Variants in STRN3 observed in about 807,000 individuals in gnomAD.
STRN3 encodes striatin 3.
A neutral mutation model predicts 95.6 loss-of-function variants in STRN3; 29 were observed. The observed-to-expected ratio is 0.30, with a 90% CI of 0.23 to 0.41. STRN3 has a LOEUF of 0.41. STRN3 is among the 10% of genes least tolerant of loss of function. STRN3 has a pLI of 1.00. For missense variants in STRN3, 890 were observed against 972.1 expected, an observed-to-expected ratio of 0.92 and a Z score of 1.12; for synonymous variants, 331 against 357.6, an observed-to-expected ratio of 0.93 and a Z score of 0.84.
At chr14:31,005,742 A>G (rs1057093328) in intron 1 of STRN3, among the ~76,000 whole-genome samples, 1 of 152,232 alleles carries the variant, frequency 6.6e-6, no homozygotes, top group Non-Finnish European at 1.5e-5. Context: ...CTATTTTTAC[A>G]TAGCTAAAAT....
chr14:30,997,628 A>G (rs887120410), intron 1 of STRN3, among the ~76,000 whole-genome samples: 9 of 152,172 alleles, frequency 5.9e-5, no homozygotes, highest in Non-Finnish European at 8.8e-5. Context: ...CCTCCTGTCT[A>G]TAAAACCTGT....
rs1335813639 is a variant in STRN3, at chr14:31,026,066, G to T, written c.120C>A (p.Gly40=). 1.3e-6 allele frequency: 2 copies of T among 1,516,678 alleles called. No individual in the cohort carries two copies. Among genetic ancestry groups the T allele is most frequent in the Non-Finnish European group, 1.8e-6 (2 of 1,134,534 alleles). 94.0% of individuals were successfully genotyped at this position (1,516,678 alleles called of 1,614,324 possible). The part of the protein sequence containing the change: ...LSPGGNGAAG[G]GGPPASEGAG... Reference sequence around the variant, plus strand: ...CTCCCTCGGAGGCCGGAGGACCCCCGCCGCCCGCCGCTCCGTTCCCCCCGG... The same window carrying T: ...CTCCCTCGGAGGCCGGAGGACCCCCTCCGCCCGCCGCTCCGTTCCCCCCGG... Residue 40 remains glycine, a synonymous_variant, in exon 1 of 18, where the codon GGC becomes GGA. Transcript: ENST00000357479.
At chr14:30,972,767 C>T (rs920508745) in intron 1 of STRN3, among the ~76,000 whole-genome samples, 1 of 152,204 alleles carries the variant, frequency 6.6e-6, no homozygotes, top group African/African-American at 2.4e-5. Context: ...GATTGCGCCA[C>T]TGCACTCCAG....
At chr14:30,957,314 G>A (rs963487168) in intron 1 of STRN3, among the ~76,000 whole-genome samples, 12 of 151,738 alleles carry the variant, frequency 7.9e-5, no homozygotes, top group Non-Finnish European at 1.3e-4. Context: ...ATTGCCAGGC[G>A]TAGTGGTGGG....
chr14:30,964,077 C>T (rs1880350132), intron 1 of STRN3, among the ~76,000 whole-genome samples: 1 of 152,096 alleles, frequency 6.6e-6, no homozygotes, highest in Non-Finnish European at 1.5e-5. Context: ...CATGGCGAAA[C>T]CCCATCTCTC....
rs1278962376 is a variant in STRN3 at position 30,959,318 on chromosome 14, G to C, written c.283-3076C>G. 2.0e-5 allele frequency among the ~76,000 whole-genome samples: 3 copies of C among 152,024 alleles called. No homozygotes were observed. In the East Asian group the frequency reaches 5.8e-4, roughly 29 times the overall value. On this transcript the variant is annotated intron_variant, in intron 1 of 17. Transcript: ENST00000357479. ...AGCCTGAGCGACAGAGCAAGACCCT[G>C]AATGAAAAGAAAAAAACAAAACAAA...
At chr14:30,906,764 T>C in intron 14 of STRN3, 113 bp downstream of exon 14, 1 of 1,153,724 alleles carries the variant, frequency 8.7e-7, no homozygotes, top group East Asian at 2.6e-5. Context: ...TTTACAAAAT[T>C]CATTCAATAT....
chr14:30,991,970 A>C (rs565865859), intron 1 of STRN3, among the ~76,000 whole-genome samples: 1 of 152,032 alleles, frequency 6.6e-6, no homozygotes, highest in Non-Finnish European at 1.5e-5. Context: ...AACATCATTA[A>C]AAAGTTTTAT....
At chr14:30,942,332 G>A (rs956837324) in intron 5 of STRN3, among the ~76,000 whole-genome samples, 2 of 152,124 alleles carry the variant, frequency 1.3e-5, no homozygotes, top group Admixed American at 1.3e-4. Context: ...TAAAATGGAA[G>A]TCTCCATCTG....
At chr14:30,997,140 G>A (rs1882239175) in intron 1 of STRN3, among the ~76,000 whole-genome samples, 2 of 152,140 alleles carry the variant, frequency 1.3e-5, no homozygotes, top group African/African-American at 2.4e-5. Flanking sequence ...CAGCAGCAGG[G>A]CTCAAAAGAA....
intron 9 of STRN3, among the ~76,000 whole-genome samples, chr14:30,916,746 G>A (rs1896750147): frequency 6.6e-6 from 1 of 152,076 alleles, no homozygotes; most frequent in Non-Finnish European, 1.5e-5. Flanking sequence ...TTAATTTAAT[G>A]ATGGAAATTT....
intron 1 of STRN3, among the ~76,000 whole-genome samples, chr14:30,983,626 C>T (rs564968544): frequency 2.0e-5 from 3 of 152,148 alleles, no homozygotes; most frequent in Non-Finnish European, 4.4e-5. Flanking sequence ...AATGTGATTC[C>T]TCAGATTTTA....
chr14:31,001,024 T>C lies in STRN3; in HGVS notation c.282+24880A>G, dbSNP rs767974320. 4.6e-4 allele frequency among the ~76,000 whole-genome samples: 70 copies of C among 152,166 alleles called. 2 individuals are homozygous for C. Among genetic ancestry groups the C allele is most frequent in the Admixed American group, 3.3e-3 (51 of 15,280 alleles). Reference sequence around the variant, plus strand: ...GTTAAGTAGGAGTTGTAAAGACATATACTGAGTGAGGCAGAGGGGGTAGGG... The same window carrying C: ...GTTAAGTAGGAGTTGTAAAGACATACACTGAGTGAGGCAGAGGGGGTAGGG... On this transcript the variant is annotated intron_variant, in intron 1 of 17. Coordinates refer to ENST00000357479, the MANE Select transcript of STRN3 (RefSeq NM_001083893.2).
intron 1 of STRN3, among the ~76,000 whole-genome samples, chr14:30,987,866 T>C (rs961999921): frequency 6.6e-6 from 1 of 152,040 alleles, no homozygotes; most frequent in African/African-American, 2.4e-5. Context: ...GCCTCCCAAG[T>C]AGCTGGGATT....
At chr14:30,981,892 C>T (rs1881422414) in intron 1 of STRN3, among the ~76,000 whole-genome samples, 1 of 151,898 alleles carries the variant, frequency 6.6e-6, no homozygotes, top group Non-Finnish European at 1.5e-5. Flanking sequence ...GTCAGGAGTT[C>T]GAGACCAGCC....
chr14:30,928,180 G>A (rs963317470), intron 8 of STRN3, among the ~76,000 whole-genome samples: 1 of 152,078 alleles, frequency 6.6e-6, no homozygotes, highest in Admixed American at 6.6e-5. Flanking sequence ...AGAAAATTGT[G>A]TAACAGGTGA....
At position 30,919,125 on chromosome 14, in the gene STRN3, A is replaced by G. The variant is rs1406182734; in HGVS notation, c.1100-19T>C. On this transcript the variant is annotated intron_variant, in intron 8 of 17. Coordinates refer to ENST00000357479, the MANE Select transcript of STRN3 (RefSeq NM_001083893.2). ...TTGGCCCCTGTAAATTAATGTCAGCAGTAGAGGTTCATTTAATGGCTACCG... is the reference window on the plus strand; with the variant it reads ...TTGGCCCCTGTAAATTAATGTCAGCGGTAGAGGTTCATTTAATGGCTACCG... 6.3e-7 allele frequency: 1 copy of G among 1,583,512 alleles called. No individual in the cohort carries two copies. Among genetic ancestry groups the G allele is most frequent in the Non-Finnish European group, 8.6e-7 (1 of 1,163,044 alleles).
At chr14:30,927,882 G>A (rs948554990) in intron 8 of STRN3, among the ~76,000 whole-genome samples, 1 of 139,138 alleles carries the variant, frequency 7.2e-6, no homozygotes, top group Non-Finnish European at 1.5e-5. Context: ...GCAGTGAGCC[G>A]AGATTGCACC....
intron 1 of STRN3, among the ~76,000 whole-genome samples, chr14:31,006,448 C>G (rs1882721058): frequency 6.6e-6 from 1 of 151,850 alleles, no homozygotes. Flanking sequence ...GTAATCCCAG[C>G]ACTTTGGGAG....
Sources: allele counts gnomAD v4.1 joint callset (sites outside exome capture counted in the v4.1 genomes callset), GRCh38; gene constraint gnomAD v4.1.1; transcripts MANE v1.5; gene names NCBI Gene and HGNC (gene_info 2026-07-23, HGNC 2026-07-21).